Variants in ZBTB40 observed in about 807,000 individuals in gnomAD.
ZBTB40 encodes zinc finger and BTB domain containing 40, also known as zinc finger and BTB domain-containing protein 40.
Under a neutral mutation model 117.5 loss-of-function variants are expected in ZBTB40, and 60 were observed. That is an observed-to-expected ratio of 0.51 (90% CI 0.41 to 0.63). The LOEUF is 0.63. Among genes scored for constraint, ZBTB40 ranks in the 30% least tolerant of loss-of-function variants. The probability of loss-of-function intolerance (pLI) is 0.00; values close to 1 mark genes in which losing one functional copy is unlikely to be tolerated. For missense variants in ZBTB40, 1,287 were observed against 1,498.5 expected (o/e 0.86, Z 2.33); for synonymous variants, 525 against 577.1 (o/e 0.91, Z 1.29).
chr1:22,504,230 T>C (rs919799086), intron 5 of ZBTB40, among the ~76,000 whole-genome samples: 3 of 152,200 alleles, frequency 2.0e-5, no homozygotes, highest in Admixed American at 1.3e-4. Context: ...AAACTTTTTT[T>C]CTGGTTAGAA....
chr1:22,442,012 T>G (rs1053496920), intron 1 of ZBTB40, among the ~76,000 whole-genome samples: 1 of 152,262 alleles, frequency 6.6e-6, no homozygotes, highest in African/African-American at 2.4e-5. Flanking sequence ...TCTCTTCTAA[T>G]GTTTTCTTTG....
intron 17 of ZBTB40, among the ~76,000 whole-genome samples, chr1:22,525,617 A>AT (rs1210702093): frequency 2.6e-5 from 4 of 152,270 alleles, no homozygotes; most frequent in African/African-American, 9.6e-5. Flanking sequence ...TGGAAGGGAC[A>AT]TAGGTGGGCT....
chr1:22,481,001 T>C (rs1638292461), intron 1 of ZBTB40, among the ~76,000 whole-genome samples: 2 of 152,174 alleles, frequency 1.3e-5, no homozygotes, highest in Non-Finnish European at 2.9e-5. Flanking sequence ...CATGTGAGTA[T>C]TAATGCTTCC....
intron 1 of ZBTB40, among the ~76,000 whole-genome samples, chr1:22,473,493 TAGTA>T (rs1274516912): frequency 3.3e-5 from 5 of 152,322 alleles, no homozygotes; most frequent in African/African-American, 1.2e-4. Flanking sequence ...CTTAGAAACA[TAGTA>T]AGGTACTTAA....
rs1043685545 is a variant in ZBTB40 at position 22,513,593 on chromosome 1, C to A, written c.2668+463C>A. Reference sequence around the variant, plus strand: ...GCGGGCACCTGGAGTCTCAGCTACTCGGGAGGCTGAGGCAGGAGAATGGTG... The same window carrying A: ...GCGGGCACCTGGAGTCTCAGCTACTAGGGAGGCTGAGGCAGGAGAATGGTG... On this transcript the variant is annotated intron_variant, in intron 12 of 17. Coordinates refer to ENST00000375647, the MANE Select transcript of ZBTB40 (RefSeq NM_014870.4). This position sits in a 1 kb window ranked among gnomAD's most constrained non-coding sequence, Gnocchi z 4.9. Among the ~76,000 whole-genome samples, 10 of 152,028 alleles carry A rather than the reference C, an allele frequency of 6.6e-5. No homozygotes were observed. The highest frequency in any genetic ancestry group is 2.4e-4 in the African/African-American group (10 of 41,384).
intron 17 of ZBTB40, 40 bp downstream of exon 17, chr1:22,524,484 A>G: frequency 1.3e-6 from 2 of 1,597,302 alleles, no homozygotes; most frequent in African/African-American, 1.3e-5. Context: ...ATGCTAATGC[A>G]TGGTTCCTAA....
chr1:22,529,470 G>A lies in ZBTB40; in HGVS notation c.*3074G>A, dbSNP rs1470240787. ...GAGTGTGATTCTGTGGGAATACTGG[G>A]GTCAGTTATGGAACAGGACTTGCCC... On this transcript the variant is annotated 3_prime_UTR_variant, in exon 18 of 18. Transcript: ENST00000375647. The A allele has an allele frequency of 6.6e-6, 1 of 152,268 alleles. No homozygotes were observed. The highest frequency in any genetic ancestry group is 2.4e-5 in the African/African-American group (1 of 41,396). 9.4% of individuals were successfully genotyped at this position (152,268 alleles called of 1,614,324 possible). A position where few individuals can be genotyped will look rare whatever the true frequency, so the allele number is the denominator to read the frequency against.
intron 1 of ZBTB40, among the ~76,000 whole-genome samples, chr1:22,468,672 T>A (rs1641324334): frequency 8.5e-6 from 1 of 118,102 alleles, no homozygotes; most frequent in Non-Finnish European, 1.8e-5. Context: ...TTTTTTTTTT[T>A]AGTTTTTGTA....
chr1:22,447,663 C>T (rs1326226085), upstream of ZBTB40, among the ~76,000 whole-genome samples: 1 of 152,210 alleles, frequency 6.6e-6, no homozygotes, highest in African/African-American at 2.4e-5. Context: ...TTCATAGGGT[C>T]AGGCCCGCAG....
intron 1 of ZBTB40, among the ~76,000 whole-genome samples, chr1:22,468,126 A>G (rs1429229701): frequency 6.6e-6 from 1 of 151,654 alleles, no homozygotes; most frequent in African/African-American, 2.4e-5. Flanking sequence ...ATACTTATTG[A>G]GCATTTACTG....
intron 1 of ZBTB40, among the ~76,000 whole-genome samples, chr1:22,481,700 C>T (rs910957746): frequency 7.4e-6 from 1 of 134,310 alleles, no homozygotes; most frequent in East Asian, 2.3e-4. Flanking sequence ...TTGTTTCTTA[C>T]TAATAAGAAT....
At chr1:22,503,526 AT>A (rs542506501) in intron 5 of ZBTB40, among the ~76,000 whole-genome samples, 203 of 152,340 alleles carry the variant, frequency 1.3e-3, no homozygotes, top group Non-Finnish European at 2.2e-3. Flanking sequence ...AGCCACTGAT[AT>A]AATGGCTAAG....
rs1639779733 is a variant in ZBTB40 at position 22,529,719 on chromosome 1, A to C, written c.*3323A>C. 1 of 152,184 alleles carries C rather than the reference A, an allele frequency of 6.6e-6. No individual in the cohort carries two copies. The highest frequency in any genetic ancestry group is 1.5e-5 in the Non-Finnish European group (1 of 68,024). The allele number at this position is 152,184 out of a possible 1,614,324, so 9.4% of individuals were successfully genotyped here. On this transcript the variant is annotated 3_prime_UTR_variant, in exon 18 of 18. Transcript: ENST00000375647. ...GGAAACTTTGAGCCCAGTGAGTAGCAGGGTCTGCAGTGTGAGTACCAGGTT... is the reference window on the plus strand; with the variant it reads ...GGAAACTTTGAGCCCAGTGAGTAGCCGGGTCTGCAGTGTGAGTACCAGGTT...
intron 17 of ZBTB40, among the ~76,000 whole-genome samples, 163 bp from the exon 18 acceptor site, chr1:22,526,039 A>G (rs1639667417): frequency 6.6e-6 from 1 of 152,188 alleles, no homozygotes; most frequent in Non-Finnish European, 1.5e-5. Context: ...TCTCTTTTGC[A>G]TCGCCAGTGG....
chr1:22,490,754 A>T (rs1638606416), intron 2 of ZBTB40, 109 bp downstream of exon 2: 1 of 1,291,810 alleles, frequency 7.7e-7, no homozygotes, highest in African/African-American at 1.5e-5. Flanking sequence ...GAAAACCAAA[A>T]TTCAGTGCAG....
chr1:22,443,117 CT>C (rs1209263946), intron 1 of ZBTB40, among the ~76,000 whole-genome samples: 4 of 152,186 alleles, frequency 2.6e-5, no homozygotes, highest in Non-Finnish European at 5.9e-5. Context: ...TACGTTCTCT[CT>C]CGAACAAAGT....
intron 1 of ZBTB40, among the ~76,000 whole-genome samples, chr1:22,468,995 T>G (rs1213706374): frequency 2.0e-5 from 3 of 151,770 alleles, no homozygotes; most frequent in Non-Finnish European, 4.4e-5. Flanking sequence ...CTTGGCTAAT[T>G]TTTTGGTATT....
intron 1 of ZBTB40, among the ~76,000 whole-genome samples, chr1:22,488,810 T>A (rs1569831744): frequency 6.6e-6 from 1 of 152,180 alleles, no homozygotes; most frequent in African/African-American, 2.4e-5. Context: ...GAGGTAGGGG[T>A]AGCAGTAGGG....
At chr1:22,483,947 A>G (rs139403897) in intron 1 of ZBTB40, among the ~76,000 whole-genome samples, 45 of 152,300 alleles carry the variant, frequency 3.0e-4, no homozygotes, top group African/African-American at 1.1e-3. Context: ...GTCTATGTCT[A>G]GATTCATTTT....
Sources: allele counts gnomAD v4.1 joint callset (sites outside exome capture counted in the v4.1 genomes callset), GRCh38; gene constraint gnomAD v4.1.1; non-coding constraint Gnocchi (gnomAD v3.1); transcripts MANE v1.5; gene names NCBI Gene and HGNC (gene_info 2026-07-23, HGNC 2026-07-21).